DOCK1: variants seen among roughly 807,000 people sequenced by gnomAD.
The protein encoded by DOCK1 is dedicator of cytokinesis protein 1.
DOCK1 carries 138 observed loss-of-function variants against 262.7 expected under a neutral mutation model. The ratio of observed to expected loss-of-function variants is 0.53; its 90% CI spans 0.46 to 0.61. The LOEUF (loss-of-function observed/expected upper bound fraction) is 0.61, where lower values mean the gene tolerates loss of function less well. Among genes scored for constraint, DOCK1 ranks in the 20% least tolerant of loss-of-function variants. DOCK1 has a pLI of 0.00. For missense variants in DOCK1, 1,908 were observed against 2,370.7 expected, an observed-to-expected ratio of 0.80 and a Z score of 4.05; for synonymous variants, 866 against 867.4, an observed-to-expected ratio of 1.00 and a Z score of 0.03.
chr10:126,948,282 GAT>G (rs1591401935), intron 1 of DOCK1, among the ~76,000 whole-genome samples: 187 of 8,478 alleles, frequency 0.022, 37 homozygotes, highest in Middle Eastern at 0.2. Context: ...TGTTGGTGGT[GAT>G]GGTGGTGGTT....
At chr10:127,361,837 C>T (rs2296637) in intron 32 of DOCK1, among the ~76,000 whole-genome samples, 19,931 of 152,132 alleles carry the variant, frequency 0.13, 1,415 homozygotes, top group South Asian at 0.21. Flanking sequence ...TTATACCGCG[C>T]GGATCTTTGA....
chr10:127,248,151 G>A (rs756037110), intron 28 of DOCK1, 42 bp downstream of exon 28: 48 of 1,540,376 alleles, frequency 3.1e-5, no homozygotes, highest in Non-Finnish European at 8.1e-6. Flanking sequence ...CATGTTTTAG[G>A]GCCAGCACTT....
At chr10:126,918,221 A>C (rs902664637) in intron 1 of DOCK1, among the ~76,000 whole-genome samples, 2 of 150,716 alleles carry the variant, frequency 1.3e-5, no homozygotes. Context: ...GATTGCCAGC[A>C]TGCAGCGGGG....
In DOCK1 at chr10:127,120,322, G is replaced by A. The variant is rs918030960; in HGVS notation, c.2624-5152G>A. ...AGTCACATACAAGGTCTTTAACATC[G>A]GCTTTCTAGCATTCTCTGAGACTGT... On this transcript the variant is annotated intron_variant, in intron 25 of 51. Transcript: ENST00000623213. Among the ~76,000 whole-genome samples, 9 of 152,132 alleles carry A rather than the reference G, an allele frequency of 5.9e-5. 1 individual carries two copies. Among genetic ancestry groups the A allele is most frequent in the South Asian group, 2.1e-4 (1 of 4,818 alleles).
rs777708711 is a variant in DOCK1, at chr10:127,108,662, G to A, written c.2517-1586G>A. On this transcript the variant is annotated intron_variant, in intron 24 of 51. Coordinates refer to ENST00000623213, the MANE Select transcript of DOCK1 (RefSeq NM_001290223.2). ...AAGACATCTTCCTCTCCCATGCCAC[G>A]AGGGCATCTTCTGCATCATCATTGT... Among the ~76,000 whole-genome samples, 17 of 152,148 alleles carry A rather than the reference G, an allele frequency of 1.1e-4. 1 individual carries two copies. Among genetic ancestry groups the A allele is most frequent in the South Asian group, 6.2e-4 (3 of 4,820 alleles).
chr10:127,036,043 T>TTAAAA (rs1554870787), intron 18 of DOCK1, among the ~76,000 whole-genome samples: 2 of 147,562 alleles, frequency 1.4e-5, no homozygotes, highest in African/African-American at 2.5e-5. Flanking sequence ...AATAAATAAA[T>TTAAAA]AAAAAAGAGT....
In DOCK1 at chr10:127,371,066, A is replaced by G. The variant is rs141130405; in HGVS notation, c.3433-2715A>G. On this transcript the variant is annotated intron_variant, in intron 33 of 51. Coordinates refer to ENST00000623213, the MANE Select transcript of DOCK1 (RefSeq NM_001290223.2). The stretch of plus-strand genomic sequence containing the variant: ...ATGTGCATTTATGAGGAAGATAATA[A>G]GCATGATTTTGATAAAACCAGCTCT... Among the ~76,000 whole-genome samples the G allele has an allele frequency of 3.0e-3, 456 of 152,382 alleles. 3 individuals carry two copies. The highest frequency in any genetic ancestry group is 0.01 in the African/African-American group (433 of 41,580).
At chr10:127,441,461 G>C (rs1402954011) in intron 49 of DOCK1, among the ~76,000 whole-genome samples, 1 of 152,180 alleles carries the variant, frequency 6.6e-6, no homozygotes, top group African/African-American at 2.4e-5. Flanking sequence ...ACCTCCCACT[G>C]GGGGACAGGC....
At chr10:127,240,398 T>C (rs1233283984) in intron 27 of DOCK1, among the ~76,000 whole-genome samples, 1 of 152,016 alleles carries the variant, frequency 6.6e-6, no homozygotes, top group East Asian at 1.9e-4. Flanking sequence ...GGGAATGAAT[T>C]CATCTTTAAA....
At chr10:127,281,161 A>G (rs2060949032) in intron 29 of DOCK1, among the ~76,000 whole-genome samples, 1 of 152,238 alleles carries the variant, frequency 6.6e-6, no homozygotes, top group African/African-American at 2.4e-5. Context: ...TTATTTTTAA[A>G]TTGAAAAGTG....
At chr10:127,404,124 GAA>G (rs1365479015) in intron 39 of DOCK1, among the ~76,000 whole-genome samples, 199 bp from the exon 40 acceptor site, 2 of 152,136 alleles carry the variant, frequency 1.3e-5, no homozygotes, top group Non-Finnish European at 2.9e-5. Context: ...GAGAATGAGT[GAA>G]AAATAATGTC....
intron 36 of DOCK1, among the ~76,000 whole-genome samples, chr10:127,380,386 T>A (rs2065760198): frequency 6.6e-6 from 1 of 152,166 alleles, no homozygotes; most frequent in Admixed American, 6.5e-5. Context: ...GTTTTGTACC[T>A]GTTGACCAAC....
chr10:126,966,319 G>C (rs1016267261), intron 1 of DOCK1, among the ~76,000 whole-genome samples: 105 of 152,330 alleles, frequency 6.9e-4, no homozygotes, highest in African/African-American at 1.6e-3. Flanking sequence ...CACCTAGGTT[G>C]ACTGCGTATC....
intron 27 of DOCK1, among the ~76,000 whole-genome samples, chr10:127,228,196 G>A (rs961333553): frequency 6.6e-6 from 1 of 152,132 alleles, no homozygotes; most frequent in African/African-American, 2.4e-5. Flanking sequence ...CCTCCTGCCT[G>A]TTTTCCTTAT....
chr10:127,049,111 T>A (rs2044537930), intron 21 of DOCK1, among the ~76,000 whole-genome samples: 2 of 152,198 alleles, frequency 1.3e-5, no homozygotes, highest in African/African-American at 4.8e-5. Flanking sequence ...TAATTTATTT[T>A]AAAACAAACA....
chr10:126,984,538 T>G (rs2039219144), intron 4 of DOCK1, among the ~76,000 whole-genome samples: 1 of 151,090 alleles, frequency 6.6e-6, no homozygotes. Flanking sequence ...TGTGTGTGTT[T>G]TTTTTTTTTC....
At chr10:127,376,188 G>C (rs1416641982) in intron 35 of DOCK1, among the ~76,000 whole-genome samples, 1 of 152,186 alleles carries the variant, frequency 6.6e-6, no homozygotes, top group East Asian at 1.9e-4. Context: ...GGGAAAAGTA[G>C]ATAAAACATA....
intron 23 of DOCK1, among the ~76,000 whole-genome samples, chr10:127,098,413 G>T (rs2136160118): frequency 6.6e-6 from 1 of 152,292 alleles, no homozygotes; most frequent in South Asian, 2.1e-4. Flanking sequence ...GTCAACACGT[G>T]CATGGGTCCA....
intron 25 of DOCK1, among the ~76,000 whole-genome samples, chr10:127,117,309 G>C (rs2049249513): frequency 6.6e-6 from 1 of 152,204 alleles, no homozygotes; most frequent in African/African-American, 2.4e-5. Context: ...TCAGCCAGAA[G>C]CCTGGCAGGG....
Sources: allele counts gnomAD v4.1 joint callset (sites outside exome capture counted in the v4.1 genomes callset), GRCh38; gene constraint gnomAD v4.1.1; transcripts MANE v1.5; gene names NCBI Gene and HGNC (gene_info 2026-07-23, HGNC 2026-07-21).